EYA1: variants seen among roughly 807,000 people sequenced by gnomAD.
EYA1 encodes the protein protein phosphatase EYA1.
In EYA1, 16 loss-of-function variants were observed where a neutral mutation model predicts 82.0. The observed-to-expected ratio is 0.20, with a 90% CI of 0.13 to 0.30. EYA1 has a LOEUF of 0.30. Among genes scored for constraint, EYA1 ranks in the 10% least tolerant of loss-of-function variants. EYA1 has a pLI of 1.00. For synonymous variants in EYA1, 261 were observed against 264.4 expected, an observed-to-expected ratio of 0.99 and a Z score of 0.12; for missense variants, 633 against 730.7, an observed-to-expected ratio of 0.87 and a Z score of 1.54.
intron 1 of EYA1, among the ~76,000 whole-genome samples, chr8:71,543,730 G>A (rs532429629): frequency 2.6e-5 from 4 of 152,200 alleles, no homozygotes; most frequent in African/African-American, 9.6e-5. Flanking sequence ...TGAAGAAGGG[G>A]CTGAAAAACA....
At chr8:71,500,144 T>C (rs1319023312) in intron 2 of EYA1, among the ~76,000 whole-genome samples, 1 of 152,196 alleles carries the variant, frequency 6.6e-6, no homozygotes, top group Non-Finnish European at 1.5e-5. Flanking sequence ...AGTGACTCTC[T>C]AGGGAGAGGT....
At chr8:71,397,293 AG>A (rs1456238561) in intron 2 of EYA1, among the ~76,000 whole-genome samples, 1 of 152,152 alleles carries the variant, frequency 6.6e-6, no homozygotes, top group Non-Finnish European at 1.5e-5. Context: ...TTTACATTTA[AG>A]GTTAATATTG....
chr8:71,405,451 T>A (rs1830168039), intron 2 of EYA1, among the ~76,000 whole-genome samples: 1 of 152,244 alleles, frequency 6.6e-6, no homozygotes, highest in African/African-American at 2.4e-5. Flanking sequence ...TTCAGGTGTC[T>A]GTGCAATTGT....
chr8:71,237,345 T>C (rs1288844476), intron 12 of EYA1, among the ~76,000 whole-genome samples: 1 of 152,228 alleles, frequency 6.6e-6, no homozygotes, highest in Non-Finnish European at 1.5e-5. Context: ...TGTAGCTTGA[T>C]AATTTGAATG....
chr8:71,457,848 C>T (rs900193731), intron 2 of EYA1, among the ~76,000 whole-genome samples: 2 of 151,980 alleles, frequency 1.3e-5, no homozygotes, highest in African/African-American at 4.8e-5. Flanking sequence ...CAAACCTGCA[C>T]GTTATGCACA....
intron 2 of EYA1, among the ~76,000 whole-genome samples, chr8:71,507,092 T>G (rs1021491595): frequency 5.9e-5 from 9 of 152,268 alleles, no homozygotes; most frequent in African/African-American, 1.2e-4. Flanking sequence ...AACAATAGCC[T>G]AAACGTACTA....
At chr8:71,298,814 A>G (rs1336636761) in intron 9 of EYA1, among the ~76,000 whole-genome samples, 1 of 152,238 alleles carries the variant, frequency 6.6e-6, no homozygotes, top group Admixed American at 6.5e-5. Context: ...TATATTTACA[A>G]ATAAAATCTC....
At chr8:71,254,223 C>T (rs1489696403) in intron 11 of EYA1, among the ~76,000 whole-genome samples, 5 of 136,854 alleles carry the variant, frequency 3.7e-5, no homozygotes, top group African/African-American at 1.1e-4. Flanking sequence ...AAGGATATAC[C>T]CCATCTATAA....
chr8:71,406,671 T>TA (rs1830253565), intron 2 of EYA1, among the ~76,000 whole-genome samples: 1 of 152,148 alleles, frequency 6.6e-6, no homozygotes, highest in African/African-American at 2.4e-5. Context: ...CAGACTGGCT[T>TA]AAAAAACCGC....
At chr8:71,414,208 T>C (rs1443107617) in intron 2 of EYA1, among the ~76,000 whole-genome samples, 1 of 152,206 alleles carries the variant, frequency 6.6e-6, no homozygotes, top group African/African-American at 2.4e-5. Flanking sequence ...GATGAGGCTG[T>C]GCTTTTCAGC....
intron 3 of EYA1, among the ~76,000 whole-genome samples, chr8:71,353,732 T>C (rs1199172073): frequency 6.6e-6 from 1 of 152,166 alleles, no homozygotes; most frequent in Non-Finnish European, 1.5e-5. Flanking sequence ...CACAATAATT[T>C]TACAGCATTT....
chr8:71,220,132 G>A (rs1020315320), intron 12 of EYA1, among the ~76,000 whole-genome samples: 24 of 152,102 alleles, frequency 1.6e-4, no homozygotes, highest in Non-Finnish European at 2.9e-5. Flanking sequence ...ATATTTCCAG[G>A]TGCCAATATA....
At chr8:71,355,119 C>T (rs1316131199) in intron 2 of EYA1, among the ~76,000 whole-genome samples, 1 of 152,192 alleles carries the variant, frequency 6.6e-6, no homozygotes, top group Admixed American at 6.5e-5. Context: ...TTTACCTATA[C>T]AGCCAGTCAC....
chr8:71,225,092 G>C (rs1354443399), intron 12 of EYA1: 1 of 282,808 alleles, frequency 3.5e-6, no homozygotes. Flanking sequence ...GTTTTTACTT[G>C]CGTGTTTTTC....
chr8:71,407,238 A>G (rs202041294), intron 2 of EYA1, among the ~76,000 whole-genome samples: 340 of 140,336 alleles, frequency 2.4e-3, no homozygotes, highest in South Asian at 8.2e-3. Context: ...CACCATCATC[A>G]AAGACCAAAA....
chr8:71,215,360 GT>G (rs759400156), intron 16 of EYA1, 26 bp downstream of exon 16: 151 of 1,606,970 alleles, frequency 9.4e-5, no homozygotes, highest in Non-Finnish European at 1.2e-4. Flanking sequence ...AGAGCTGATT[GT>G]TAAAAAGAAA....
At chr8:71,536,689 C>CA (rs1281225317) in intron 1 of EYA1, among the ~76,000 whole-genome samples, 2 of 152,096 alleles carry the variant, frequency 1.3e-5, no homozygotes. Flanking sequence ...TAATTTTAAG[C>CA]AAAAAGAGTA....
chr8:71,299,121 G>A lies in EYA1; in HGVS notation c.752C>T (p.Ser251Phe), dbSNP rs1819912848. 1 of 1,614,158 alleles carries A rather than the reference G, an allele frequency of 6.2e-7. No individual in the cohort carries two copies. The highest frequency in any genetic ancestry group is 8.5e-7 in the Non-Finnish European group (1 of 1,180,010). ...TSSNTSPTTP[S>F]TNATYQLQEP... is the part of the protein sequence containing the mutation. ...TTGAAGCTGGTAAGTGGCATTGGTG[G>A]ATGGTGTCGTTGGGCTGGTGTTGCT... Residue 251 changes from serine (S) to phenylalanine (F), a missense_variant, in exon 9 of 18, where the codon TCC becomes TTC. Ser to Phe is a radical substitution (Grantham distance 155, BLOSUM62 -2). Coordinates refer to ENST00000340726, the MANE Select transcript of EYA1 (RefSeq NM_000503.6).
chr8:71,335,172 C>A (rs1430340874), intron 3 of EYA1, among the ~76,000 whole-genome samples: 1 of 152,096 alleles, frequency 6.6e-6, no homozygotes, highest in Non-Finnish European at 1.5e-5. Context: ...TTAAGGGATA[C>A]CTAAAAATCA....
Sources: allele counts gnomAD v4.1 joint callset (sites outside exome capture counted in the v4.1 genomes callset), GRCh38; gene constraint gnomAD v4.1.1; transcripts MANE v1.5; gene names NCBI Gene and HGNC (gene_info 2026-07-23, HGNC 2026-07-21).